Variants in SLC25A28 observed in about 807,000 individuals in gnomAD.
SLC25A28 encodes solute carrier family 25 member 28.
A neutral mutation model predicts 31.9 loss-of-function variants in SLC25A28; 10 were observed. That is an observed-to-expected ratio of 0.31 (90% CI 0.19 to 0.53). The LOEUF is 0.53. Among genes scored for constraint, SLC25A28 ranks in the 20% least tolerant of loss-of-function variants. The pLI is 0.95. For synonymous variants in SLC25A28, 208 were observed against 203.6 expected (o/e 1.02, Z -0.19); for missense variants, 256 against 490.3 (o/e 0.52, Z 4.51).
the SLC25A28 span, among the ~76,000 whole-genome samples, chr10:99,631,392 A>G: frequency 2.6e-5 from 4 of 152,196 alleles, no homozygotes; most frequent in Non-Finnish European, 5.9e-5. Context: ...TGGTGAAACC[A>G]GCTTTCAAAC....
In SLC25A28 at chr10:99,610,729, G is replaced by A; in HGVS notation, c.*120C>T. 7.7e-7 allele frequency: 1 copy of A among 1,305,978 alleles called. No homozygotes were observed. The highest frequency in any genetic ancestry group is 1.1e-6 in the Non-Finnish European group (1 of 952,246). 80.9% of individuals were successfully genotyped at this position (1,305,978 alleles called of 1,614,324 possible). On this transcript the variant is annotated 3_prime_UTR_variant, in exon 4 of 4. Transcript: ENST00000370495. ...GTGTTAGTCAAAACACCAAAATCCT[G>A]GGGGAGAGCCCCTCTACCTTCCTTC...
the SLC25A28 span, among the ~76,000 whole-genome samples, chr10:99,652,705 G>A: frequency 6.6e-6 from 1 of 152,088 alleles, no homozygotes; most frequent in African/African-American, 2.4e-5. Context: ...AGTACTACGG[G>A]CTTTTAGAAT....
chr10:99,652,615 G>A, the SLC25A28 span, among the ~76,000 whole-genome samples: 5 of 152,152 alleles, frequency 3.3e-5, no homozygotes, highest in East Asian at 9.7e-4. Flanking sequence ...TACACATGAG[G>A]AGGGTGTCCA....
the SLC25A28 span, among the ~76,000 whole-genome samples, chr10:99,649,554 G>T: frequency 6.6e-6 from 1 of 152,172 alleles, no homozygotes; most frequent in East Asian, 1.9e-4. Context: ...ATATTTGGTA[G>T]AATTTGGCTG....
At chr10:99,620,533 G>A (rs1012551990), upstream of SLC25A28, 1,308 of 1,032,196 alleles carry the variant, frequency 1.3e-3, no homozygotes, top group Non-Finnish European at 1.4e-3. Flanking sequence ...CCTTACGTAC[G>A]AAAAATCAGC....
chr10:99,637,059 G>T, the SLC25A28 span, among the ~76,000 whole-genome samples: 1 of 152,096 alleles, frequency 6.6e-6, no homozygotes, highest in Admixed American at 6.5e-5. Context: ...CTAGCTAATT[G>T]AATCCAACAA....
the SLC25A28 span, among the ~76,000 whole-genome samples, chr10:99,650,390 G>A: frequency 6.6e-6 from 1 of 152,158 alleles, no homozygotes; most frequent in East Asian, 1.9e-4. Flanking sequence ...ATGTTGTCCA[G>A]GCTGGTTTTG....
At chr10:99,651,653 C>T in the SLC25A28 span, among the ~76,000 whole-genome samples, 2 of 140,776 alleles carry the variant, frequency 1.4e-5, no homozygotes, top group Admixed American at 7.9e-5. Flanking sequence ...TGCAGTGGCA[C>T]ATTCATAGCT....
At chr10:99,636,811 A>G in the SLC25A28 span, among the ~76,000 whole-genome samples, 2 of 152,192 alleles carry the variant, frequency 1.3e-5, no homozygotes, top group Non-Finnish European at 2.9e-5. Flanking sequence ...ATTACCGACA[A>G]CAAAAAAGTC....
chr10:99,617,396 T>G (rs2034683381), intron 1 of SLC25A28: 2 of 985,466 alleles, frequency 2.0e-6, no homozygotes, highest in Non-Finnish European at 2.4e-6. Context: ...TGGACAGGCC[T>G]GCATGTCAAA....
At chr10:99,614,153 A>T (rs1464198031) in intron 1 of SLC25A28, among the ~76,000 whole-genome samples, 1 of 152,252 alleles carries the variant, frequency 6.6e-6, no homozygotes, top group African/African-American at 2.4e-5. Context: ...CTGAAAAAAT[A>T]ATCCCACCTA....
intron 1 of SLC25A28, chr10:99,617,158 A>AAGGGTTCTGACTG (rs1279865127): frequency 1.5e-5 from 15 of 985,296 alleles, no homozygotes; most frequent in African/African-American, 3.5e-5. Flanking sequence ...GGATTTTGAG[A>AAGGGTTCTGACTG]AGGGTTCTGA....
chr10:99,623,906 G>A (rs539742277), upstream of SLC25A28, among the ~76,000 whole-genome samples: 2 of 152,288 alleles, frequency 1.3e-5, no homozygotes, highest in South Asian at 4.1e-4. Flanking sequence ...GAGCTTTTAG[G>A]ATTATTCCAC....
chr10:99,631,469 T>A, the SLC25A28 span, among the ~76,000 whole-genome samples: 1 of 152,156 alleles, frequency 6.6e-6, no homozygotes, highest in African/African-American at 2.4e-5. Context: ...TTTTTATTTA[T>A]TTTTCTTTCT....
chr10:99,622,769 T>C (rs1458150477), upstream of SLC25A28: 1 of 928,350 alleles, frequency 1.1e-6, no homozygotes, highest in African/African-American at 1.8e-5. Flanking sequence ...TTAGAGAACT[T>C]TGCCATTCCA....
At chr10:99,614,194 T>C (rs11814074) in intron 1 of SLC25A28, among the ~76,000 whole-genome samples, 1 of 152,174 alleles carries the variant, frequency 6.6e-6, no homozygotes, top group Admixed American at 6.5e-5. Context: ...CCAAAATGAT[T>C]CAGAGCCCCA....
the SLC25A28 span, among the ~76,000 whole-genome samples, chr10:99,631,319 T>C: frequency 2.6e-5 from 4 of 152,214 alleles, no homozygotes; most frequent in Non-Finnish European, 5.9e-5. Flanking sequence ...ATTATTCATA[T>C]TTTATAGATA....
At chr10:99,638,989 CAT>C in the SLC25A28 span, among the ~76,000 whole-genome samples, 1,950 of 152,284 alleles carry the variant, frequency 0.013, 26 homozygotes, top group South Asian at 0.045. Context: ...CTTGCACACA[CAT>C]GTTTATAACA....
At chr10:99,615,891 G>C (rs879896034) in intron 1 of SLC25A28, 4 of 985,374 alleles carry the variant, frequency 4.1e-6, no homozygotes, top group Non-Finnish European at 4.8e-6. Flanking sequence ...AATTCTGAAC[G>C]GTTTGGCTTC....
Sources: allele counts gnomAD v4.1 joint callset (sites outside exome capture counted in the v4.1 genomes callset), GRCh38; gene constraint gnomAD v4.1.1; transcripts MANE v1.5; gene names NCBI Gene and HGNC (gene_info 2026-07-23, HGNC 2026-07-21).